Variants in CELF4 observed in about 807,000 individuals in gnomAD.
The protein encoded by CELF4 is CUGBP Elav-like family member 4.
CELF4 carries 18 observed loss-of-function variants against 59.9 expected under a neutral mutation model. The ratio of observed to expected loss-of-function variants is 0.30; its 90% CI spans 0.21 to 0.45. The LOEUF (loss-of-function observed/expected upper bound fraction) is 0.45, where lower values mean the gene tolerates loss of function less well. Among genes scored for constraint, CELF4 ranks in the 20% least tolerant of loss-of-function variants. CELF4 has a pLI of 1.00. For synonymous variants in CELF4, 261 were observed against 267.1 expected (o/e 0.98, Z 0.22); for missense variants, 456 against 689.0 (o/e 0.66, Z 3.79).
At chr18:37,430,744 T>C (rs2099644091) in intron 2 of CELF4, among the ~76,000 whole-genome samples, 1 of 152,188 alleles carries the variant, frequency 6.6e-6, no homozygotes, top group African/African-American at 2.4e-5. Flanking sequence ...CCCTGGTAGC[T>C]AAGGAAGTGG....
chr18:37,450,512 G>A (rs1172440161), intron 2 of CELF4, among the ~76,000 whole-genome samples: 1 of 151,462 alleles, frequency 6.6e-6, no homozygotes, highest in East Asian at 2.0e-4. Flanking sequence ...CCCTCCCCAG[G>A]TTTTTTCCCT....
At chr18:37,304,885 G>T (rs534593521) in intron 3 of CELF4, among the ~76,000 whole-genome samples, 1 of 152,334 alleles carries the variant, frequency 6.6e-6, no homozygotes, top group South Asian at 2.1e-4. Context: ...GAAGGGAGGG[G>T]GAGCAGGTGG....
chr18:37,450,672 C>G (rs1791477), intron 2 of CELF4, among the ~76,000 whole-genome samples: 104,129 of 151,774 alleles, frequency 0.69, 36,058 homozygotes, highest in South Asian at 0.83. Context: ...CCGGGCAGCA[C>G]AGCCTCGCTG....
intron 2 of CELF4, among the ~76,000 whole-genome samples, chr18:37,423,966 G>A (rs2099596208): frequency 6.6e-6 from 1 of 151,622 alleles, no homozygotes; most frequent in Non-Finnish European, 1.5e-5. Context: ...ACCCTTCTAA[G>A]TCCTGGGGAG....
intron 2 of CELF4, among the ~76,000 whole-genome samples, chr18:37,483,330 C>G (rs745466952): frequency 2.0e-5 from 3 of 152,186 alleles, no homozygotes; most frequent in Non-Finnish European, 2.9e-5. Context: ...CTCGGAACTT[C>G]GAGCTGCAAT....
chr18:37,401,328 G>T (rs537831348), intron 2 of CELF4, among the ~76,000 whole-genome samples: 10 of 152,316 alleles, frequency 6.6e-5, no homozygotes, highest in Admixed American at 5.9e-4. Context: ...GCTGTGTCTG[G>T]CAGCTCAGCA....
At chr18:37,291,363 C>G (rs1172334588) in intron 3 of CELF4, among the ~76,000 whole-genome samples, 1 of 152,204 alleles carries the variant, frequency 6.6e-6, no homozygotes, top group East Asian at 1.9e-4. Flanking sequence ...CCCATGTACT[C>G]AAGAGGAGGG....
intron 1 of CELF4, among the ~76,000 whole-genome samples, chr18:37,542,086 G>A (rs1163232643): frequency 6.6e-6 from 1 of 152,136 alleles, no homozygotes; most frequent in Non-Finnish European, 1.5e-5. Context: ...CAATCCTGAT[G>A]GTGTTTGTGG....
chr18:37,397,880 C>T lies in CELF4; in HGVS notation c.370-75999G>A, dbSNP rs147414756. Reference sequence around the variant, plus strand: ...ATCCCCAGACCCTGGGTGGAGTGGGCGGGGGCAAGGGGGTGCGGATCCTTG... The same window carrying T: ...ATCCCCAGACCCTGGGTGGAGTGGGTGGGGGCAAGGGGGTGCGGATCCTTG... On this transcript the variant is annotated intron_variant, in intron 2 of 12. Coordinates refer to ENST00000420428, the MANE Select transcript of CELF4 (RefSeq NM_020180.4). Among the ~76,000 whole-genome samples, 1,254 of 152,166 alleles carry T rather than the reference C, an allele frequency of 8.2e-3. 9 individuals carry two copies. The highest frequency in any genetic ancestry group is 0.013 in the Non-Finnish European group (913 of 67,992).
intron 2 of CELF4, among the ~76,000 whole-genome samples, chr18:37,431,234 C>A (rs1267973282): frequency 6.6e-6 from 1 of 152,120 alleles, no homozygotes; most frequent in Non-Finnish European, 1.5e-5. Flanking sequence ...ATTAAAAAGT[C>A]ATTATGCCGA....
At chr18:37,436,614 T>C (rs1162389173) in intron 2 of CELF4, among the ~76,000 whole-genome samples, 3 of 152,206 alleles carry the variant, frequency 2.0e-5, no homozygotes. Context: ...GGCAAGCAGC[T>C]CAGGCTATAC....
At position 37,270,544 on chromosome 18, in the gene CELF4, C is replaced by A. The variant is rs115329711; in HGVS notation, c.1099+224G>T. Reference sequence around the variant, plus strand: ...GCACCTGGAATGGGGATCTGTCTCCCAGATCAGAATGACATATCCCCAAGG... The same window carrying A: ...GCACCTGGAATGGGGATCTGTCTCCAAGATCAGAATGACATATCCCCAAGG... On this transcript the variant is annotated intron_variant, in intron 8 of 12. Transcript: ENST00000420428. 8.7e-3 allele frequency among the ~76,000 whole-genome samples: 1,321 copies of A among 152,302 alleles called. 21 individuals are homozygous for A. The highest frequency in any genetic ancestry group is 0.03 in the African/African-American group (1,256 of 41,564).
intron 2 of CELF4, among the ~76,000 whole-genome samples, chr18:37,483,206 A>G (rs1293602350): frequency 6.6e-6 from 1 of 152,216 alleles, no homozygotes; most frequent in Non-Finnish European, 1.5e-5. Context: ...ACCAACAGCA[A>G]TAACACCAGG....
At chr18:37,475,343 G>T (rs1404248903) in intron 2 of CELF4, among the ~76,000 whole-genome samples, 2 of 152,214 alleles carry the variant, frequency 1.3e-5, no homozygotes, top group Non-Finnish European at 2.9e-5. Context: ...GGTGGTGGCT[G>T]CTGTTTGAGT....
chr18:37,490,684 G>T (rs1456343714), intron 1 of CELF4, among the ~76,000 whole-genome samples: 1 of 152,148 alleles, frequency 6.6e-6, no homozygotes, highest in East Asian at 1.9e-4. Context: ...AGTTCTGGGG[G>T]TTGGTGTTTG....
intron 1 of CELF4, among the ~76,000 whole-genome samples, chr18:37,496,651 G>A (rs1334557615): frequency 6.6e-6 from 1 of 152,200 alleles, no homozygotes; most frequent in Admixed American, 6.5e-5. Context: ...TTTGGAAAAT[G>A]TGACTTTCTT....
chr18:37,293,289 A>G (rs2095452145), intron 3 of CELF4, among the ~76,000 whole-genome samples: 1 of 152,112 alleles, frequency 6.6e-6, no homozygotes, highest in Non-Finnish European at 1.5e-5. Flanking sequence ...ATTATCTCTA[A>G]AGTCTCCAGT....
chr18:37,300,794 C>G (rs1049281409), intron 3 of CELF4, among the ~76,000 whole-genome samples: 1 of 152,184 alleles, frequency 6.6e-6, no homozygotes, highest in Admixed American at 6.5e-5. Flanking sequence ...GAAGTCAGGA[C>G]AGGTCGTGGG....
At chr18:37,336,521 C>A (rs2097775710) in intron 2 of CELF4, among the ~76,000 whole-genome samples, 1 of 152,160 alleles carries the variant, frequency 6.6e-6, no homozygotes, top group Admixed American at 6.5e-5. Context: ...CCTCCACAAG[C>A]CCAGGCCCCC....
Sources: gnomAD v4.1 joint callset for allele counts (sites outside exome capture counted in the v4.1 genomes callset) on GRCh38, gnomAD v4.1.1 for gene constraint, MANE v1.5 for transcripts, NCBI Gene and HGNC (gene_info 2026-07-23, HGNC 2026-07-21) for gene names.